Variants in ANKDD1A observed in about 807,000 individuals in gnomAD.
ANKDD1A encodes the protein ankyrin repeat and death domain containing 1A.
In ANKDD1A, 59 loss-of-function variants were observed where a neutral mutation model predicts 63.5. The ratio of observed to expected loss-of-function variants is 0.93; its 90% confidence interval spans 0.75 to 1.15. ANKDD1A has a LOEUF of 1.15. Ranked by LOEUF, ANKDD1A falls within the 50% of genes most tolerant of loss-of-function variation. ANKDD1A has a pLI of 0.00. For synonymous variants in ANKDD1A, 266 were observed against 263.9 expected (o/e 1.01, Z -0.08); for missense variants, 632 against 656.4 (o/e 0.96, Z 0.41).
Position 64,958,069 on chromosome 15 carries a change from T to G in ANKDD1A, c.*881T>G, listed in dbSNP as rs2085435561. ...CTTTTGAAATGTGTGAGAGTGTTAC[T>G]TACTGAAAACTGAAAGGATATGACA... is the stretch of plus-strand genomic sequence containing the variant. On this transcript the variant is annotated 3_prime_UTR_variant, in exon 15 of 15. Transcript: ENST00000319580. 1 of 152,132 alleles carries G rather than the reference T, an allele frequency of 6.6e-6. No homozygotes were observed. The highest frequency in any genetic ancestry group is 1.5e-5 in the Non-Finnish European group (1 of 68,034). 9.4% of individuals were successfully genotyped at this position (152,132 alleles called of 1,614,324 possible).
At chr15:64,956,681 G>C (rs1475242405) in intron 14 of ANKDD1A, among the ~76,000 whole-genome samples, 1 of 152,132 alleles carries the variant, frequency 6.6e-6, no homozygotes, top group Non-Finnish European at 1.5e-5. Flanking sequence ...TCAGTCTCCG[G>C]AGTAGCTGGG....
At chr15:64,929,892 C>T (rs893803555) in intron 6 of ANKDD1A, among the ~76,000 whole-genome samples, 2 of 152,176 alleles carry the variant, frequency 1.3e-5, no homozygotes, top group African/African-American at 4.8e-5. Flanking sequence ...GGCACATACA[C>T]ACCATGGAAT....
intron 2 of ANKDD1A, among the ~76,000 whole-genome samples, chr15:64,916,359 A>C (rs2084968560): frequency 6.7e-6 from 1 of 148,446 alleles, no homozygotes; most frequent in African/African-American, 2.5e-5. Context: ...ACAGGACCTC[A>C]TATCACCCAG....
intron 9 of ANKDD1A, among the ~76,000 whole-genome samples, chr15:64,941,441 A>G (rs1349819216): frequency 1.3e-5 from 2 of 152,184 alleles, no homozygotes; most frequent in Non-Finnish European, 2.9e-5. Context: ...CTGTGTTGTG[A>G]CATGATGGGA....
At chr15:64,950,126 G>A (rs2085258144) in intron 14 of ANKDD1A, 154 bp downstream of exon 14, 1 of 985,236 alleles carries the variant, frequency 1.0e-6, no homozygotes, top group Non-Finnish European at 1.2e-6. Context: ...CTTTTCCCTT[G>A]GGCAAACTAC....
Position 64,926,937 on chromosome 15 carries a change from G to C in ANKDD1A, c.508G>C (p.Gly170Arg). 6.2e-7 allele frequency: 1 copy of C among 1,614,160 alleles called. No homozygotes were observed. Among genetic ancestry groups the C allele is most frequent in the Non-Finnish European group, 8.5e-7 (1 of 1,180,042 alleles). ...GGCGTTTCACAGGGCAGCTGAGCAC[G>C]GGCAGCTGGATGCTCTGGACTTCCT... The part of the protein sequence containing the change: ...RTAFHRAAEH[G>R]QLDALDFLVG... Residue 170 changes from glycine to arginine, a missense_variant, in exon 6 of 15, where the codon GGG becomes CGG. Physicochemically the swap from Gly to Arg is moderately radical, Grantham distance 125. Coordinates refer to ENST00000319580, the MANE Select transcript of ANKDD1A (RefSeq NM_182703.6).
intron 14 of ANKDD1A, among the ~76,000 whole-genome samples, chr15:64,953,209 CCTTCTTTCTTGTTCCTTATTCTTCTTT>C (rs1303769827): frequency 1.4e-5 from 2 of 145,308 alleles, no homozygotes; most frequent in African/African-American, 5.1e-5. Flanking sequence ...TCTTTCTTCT[CCTTCTTTCTTGTTCCTTATTCTTCTTT>C]CTTCTTTCCT....
intron 9 of ANKDD1A, among the ~76,000 whole-genome samples, chr15:64,942,074 C>T (rs779913634): frequency 6.6e-6 from 1 of 152,034 alleles, no homozygotes; most frequent in Non-Finnish European, 1.5e-5. Flanking sequence ...GAACACCATC[C>T]CTATATACTT....
chr15:64,916,526 T>C (rs1341701233), intron 2 of ANKDD1A, among the ~76,000 whole-genome samples: 1 of 152,088 alleles, frequency 6.6e-6, no homozygotes, highest in Non-Finnish European at 1.5e-5. Context: ...GGGGTCTTGC[T>C]ATGTTGCCCA....
intron 14 of ANKDD1A, chr15:64,950,863 A>C (rs1316716605): frequency 8.7e-7 from 1 of 1,155,826 alleles, no homozygotes; most frequent in East Asian, 7.8e-5. Context: ...ACATCTTTTA[A>C]CACAAACTGT....
At chr15:64,953,609 TCTCTC>T (rs1566917659) in intron 14 of ANKDD1A, among the ~76,000 whole-genome samples, 4 of 13,868 alleles carry the variant, frequency 2.9e-4, no homozygotes, top group Middle Eastern at 0.05. Context: ...TCTTCTTTCT[TCTCTC>T]CTTCTTCTTC....
Position 64,957,665 on chromosome 15 carries a change from T to C in ANKDD1A, c.*477T>C, listed in dbSNP as rs946130763. 3.3e-5 allele frequency: 5 copies of C among 152,306 alleles called. No individual in the cohort carries two copies. The highest frequency in any genetic ancestry group is 4.8e-5 in the African/African-American group (2 of 41,450). 9.4% of individuals were successfully genotyped at this position (152,306 alleles called of 1,614,324 possible). A position where few individuals can be genotyped will look rare whatever the true frequency, so the allele number is the denominator to read the frequency against. On this transcript the variant is annotated 3_prime_UTR_variant, in exon 15 of 15. Transcript: ENST00000319580. ...GTAGCTGTTCATGTGTCTGCTTCTA[T>C]TGCATATTGTAAAATTATTAACTAC...
At chr15:64,952,235 T>C in intron 14 of ANKDD1A, among the ~76,000 whole-genome samples, 8 of 148,150 alleles carry the variant, frequency 5.4e-5, no homozygotes, top group African/African-American at 2.0e-4. Context: ...TCTCCTCCTT[T>C]CTTCTTCTTA....
At position 64,930,935 on chromosome 15, in the gene ANKDD1A, G is replaced by T. The variant is rs1334620584; in HGVS notation, c.669+15G>T. 6.2e-6 allele frequency: 10 copies of T among 1,606,660 alleles called. No homozygotes were observed. Among genetic ancestry groups the T allele is most frequent in the South Asian group, 1.1e-5 (1 of 90,314 alleles). On this transcript the variant is annotated intron_variant, in intron 7 of 14. Transcript: ENST00000319580. ...AGCAGAATGCGGTGAGTCACCGCCT[G>T]GGGATGGCGAGATGCATGACCCTTG...
chr15:64,949,292 A>AC (rs1401130437), intron 13 of ANKDD1A, among the ~76,000 whole-genome samples: 3 of 152,216 alleles, frequency 2.0e-5, no homozygotes, highest in African/African-American at 7.2e-5. Context: ...CCTAGGCTGC[A>AC]CCCAGTCCCA....
intron 13 of ANKDD1A, among the ~76,000 whole-genome samples, chr15:64,948,031 G>T (rs532273250): frequency 9.8e-6 from 1 of 102,478 alleles, no homozygotes; most frequent in Non-Finnish European, 2.1e-5. Context: ...TACATAGGAC[G>T]TCCAGAGGAA....
chr15:64,928,854 C>T (rs915876875), intron 6 of ANKDD1A, among the ~76,000 whole-genome samples: 6 of 152,266 alleles, frequency 3.9e-5, no homozygotes, highest in African/African-American at 1.4e-4. Context: ...AAAGTGCGAG[C>T]GCCTGTCAGG....
At chr15:64,932,117 A>C (rs920896296) in intron 8 of ANKDD1A, 1 of 156,100 alleles carries the variant, frequency 6.4e-6, no homozygotes, top group African/African-American at 2.4e-5. Context: ...GCTGGTCTTG[A>C]ACTCCTGACC....
At chr15:64,926,377 G>A (rs766182180) in intron 5 of ANKDD1A, among the ~76,000 whole-genome samples, 1 of 152,156 alleles carries the variant, frequency 6.6e-6, no homozygotes, top group Admixed American at 6.5e-5. Context: ...GCCACAGAGA[G>A]GTCTTGATCA....
Sources: allele counts gnomAD v4.1 joint callset (sites outside exome capture counted in the v4.1 genomes callset), GRCh38; gene constraint gnomAD v4.1.1; transcripts MANE v1.5; gene names NCBI Gene and HGNC (gene_info 2026-07-23, HGNC 2026-07-21).